The following EPHA6 variants were observed in gnomAD, a reference collection of about 807,000 sequenced individuals.
EPHA6 encodes the protein EPH receptor A6.
Under a neutral mutation model 112.0 loss-of-function variants are expected in EPHA6, and 50 were observed. That is an observed-to-expected ratio of 0.45 (90% CI 0.36 to 0.56). The LOEUF is 0.56. EPHA6 is among the 20% of genes least tolerant of loss of function. EPHA6 has a pLI of 0.00. For synonymous variants in EPHA6, 529 were observed against 490.7 expected (o/e 1.08, Z -1.03); for missense variants, 1,280 against 1,417.4 (o/e 0.90, Z 1.56).
In EPHA6 at chr3:97,675,304, C is replaced by T. The variant is rs374661087; in HGVS notation, c.2784+37222C>T. Reference sequence around the variant, plus strand: ...AACCAACCTGGCCACCATGGTGAAACCCCGTGTCTACTAAAAATACAAAAA... The same window carrying T: ...AACCAACCTGGCCACCATGGTGAAATCCCGTGTCTACTAAAAATACAAAAA... On this transcript the variant is annotated intron_variant, in intron 14 of 17. Coordinates refer to ENST00000389672, the MANE Select transcript of EPHA6 (RefSeq NM_001080448.3). Among the ~76,000 whole-genome samples the T allele has an allele frequency of 5.9e-5, 9 of 152,034 alleles. No individual in the cohort carries two copies. The East Asian group carries it at 1.6e-3, about 26-fold the overall frequency.
At chr3:97,455,619 T>C (rs2090656336) in intron 7 of EPHA6, among the ~76,000 whole-genome samples, 1 of 152,052 alleles carries the variant, frequency 6.6e-6, no homozygotes. Context: ...TGTCTTTGAA[T>C]ATAAGCGGAT....
At chr3:97,336,592 A>C (rs1577016496) in intron 5 of EPHA6, among the ~76,000 whole-genome samples, 1 of 152,294 alleles carries the variant, frequency 6.6e-6, no homozygotes, top group Non-Finnish European at 1.5e-5. Flanking sequence ...TGATTCTAAC[A>C]TTTAGAAAGA....
chr3:97,253,512 T>C (rs1042845500), intron 5 of EPHA6, among the ~76,000 whole-genome samples: 3 of 152,166 alleles, frequency 2.0e-5, no homozygotes, highest in African/African-American at 7.2e-5. Flanking sequence ...AAAGTGTTTT[T>C]CCCCTCGAAA....
At chr3:97,403,382 C>T (rs1008673900) in intron 5 of EPHA6, among the ~76,000 whole-genome samples, 1 of 152,064 alleles carries the variant, frequency 6.6e-6, no homozygotes, top group Admixed American at 6.6e-5. Flanking sequence ...GAGGCTATGT[C>T]TCCAATTCAA....
At chr3:97,558,891 T>G (rs947015817) in intron 11 of EPHA6, among the ~76,000 whole-genome samples, 5 of 152,046 alleles carry the variant, frequency 3.3e-5, no homozygotes, top group Non-Finnish European at 7.4e-5. Context: ...AAATATATTA[T>G]TTATACACTT....
At chr3:97,173,135 C>G (rs2076744776) in intron 3 of EPHA6, among the ~76,000 whole-genome samples, 1 of 151,820 alleles carries the variant, frequency 6.6e-6, no homozygotes, top group Non-Finnish European at 1.5e-5. Context: ...TCTCGGCTTA[C>G]ACTTGGACAA....
At chr3:97,068,695 C>G (rs867228222) in intron 3 of EPHA6, among the ~76,000 whole-genome samples, 1 of 152,020 alleles carries the variant, frequency 6.6e-6, no homozygotes, top group Middle Eastern at 3.4e-3. Flanking sequence ...GAAACCCTAA[C>G]CCCAGTGTGA....
intron 11 of EPHA6, among the ~76,000 whole-genome samples, chr3:97,532,919 A>G (rs1011178953): frequency 6.6e-6 from 1 of 152,070 alleles, no homozygotes; most frequent in African/African-American, 2.4e-5. Flanking sequence ...GTCATATACA[A>G]ATATAAAATG....
chr3:97,631,605 G>A (rs1048296707), intron 13 of EPHA6, among the ~76,000 whole-genome samples: 1 of 151,800 alleles, frequency 6.6e-6, no homozygotes, highest in Non-Finnish European at 1.5e-5. Flanking sequence ...AGCTTAAATT[G>A]TCATTATCCA....
intron 14 of EPHA6, among the ~76,000 whole-genome samples, chr3:97,671,854 A>G (rs901518355): frequency 1.3e-5 from 2 of 152,156 alleles, no homozygotes; most frequent in African/African-American, 4.8e-5. Context: ...AAGCAGAAAT[A>G]GAAGCTATGA....
At chr3:96,852,640 G>C (rs1013353777) in intron 1 of EPHA6, among the ~76,000 whole-genome samples, 1 of 151,128 alleles carries the variant, frequency 6.6e-6, no homozygotes, top group Non-Finnish European at 1.5e-5. Flanking sequence ...TGTAAAAATG[G>C]CTTGCTCCCC....
At chr3:97,395,792 G>A (rs1355653188) in intron 5 of EPHA6, among the ~76,000 whole-genome samples, 3 of 151,468 alleles carry the variant, frequency 2.0e-5, no homozygotes, top group East Asian at 3.9e-4. Flanking sequence ...GCAGTAAAAA[G>A]CATTTTAAAA....
At chr3:97,668,619 G>GTATC (rs1418289279) in intron 14 of EPHA6, among the ~76,000 whole-genome samples, 1 of 151,990 alleles carries the variant, frequency 6.6e-6, no homozygotes, top group East Asian at 1.9e-4. Context: ...TGCTGATTAA[G>GTATC]TATCCACTAA....
At chr3:97,571,251 G>A (rs1577817957) in intron 11 of EPHA6, among the ~76,000 whole-genome samples, 1 of 152,062 alleles carries the variant, frequency 6.6e-6, no homozygotes, top group East Asian at 1.9e-4. Context: ...AGTAGAAGCA[G>A]AGGGACCAAT....
At chr3:97,582,491 A>G (rs1408419837) in intron 11 of EPHA6, among the ~76,000 whole-genome samples, 3 of 152,206 alleles carry the variant, frequency 2.0e-5, no homozygotes, top group African/African-American at 7.2e-5. Flanking sequence ...AGGAAATCCC[A>G]TGTCTTACCT....
intron 5 of EPHA6, among the ~76,000 whole-genome samples, chr3:97,329,261 G>T (rs1360167487): frequency 6.6e-6 from 1 of 151,272 alleles, no homozygotes; most frequent in African/African-American, 2.4e-5. Flanking sequence ...ATTGTGAATA[G>T]TGCCGCAATA....
intron 14 of EPHA6, among the ~76,000 whole-genome samples, chr3:97,691,857 A>G (rs932683552): frequency 6.6e-6 from 1 of 152,228 alleles, no homozygotes; most frequent in African/African-American, 2.4e-5. Flanking sequence ...GGCCCCTTCC[A>G]GTATTCTTGC....
chr3:96,889,596 C>T (rs1031013226), intron 2 of EPHA6, among the ~76,000 whole-genome samples: 1 of 152,116 alleles, frequency 6.6e-6, no homozygotes, highest in African/African-American at 2.4e-5. Context: ...TCAATTATCT[C>T]CCACCAGGTT....
chr3:97,265,579 C>T lies in EPHA6; in HGVS notation c.1606+21292C>T, dbSNP rs997262627. ...ATGCCAGGCAGCAGAAGCAGACACTCCCGAGCCTGCAGGGGCAGGGGGGGC... is the reference window on the plus strand; with the variant it reads ...ATGCCAGGCAGCAGAAGCAGACACTTCCGAGCCTGCAGGGGCAGGGGGGGC... On this transcript the variant is annotated intron_variant, in intron 5 of 17. Transcript: ENST00000389672. Among the ~76,000 whole-genome samples, 5 of 152,318 alleles carry T rather than the reference C, an allele frequency of 3.3e-5. 1 individual carries two copies. The South Asian group carries it at 1.0e-3, about 32-fold the overall frequency.
Sources: allele counts gnomAD v4.1 joint callset (sites outside exome capture counted in the v4.1 genomes callset), GRCh38; gene constraint gnomAD v4.1.1; transcripts MANE v1.5; gene names NCBI Gene and HGNC (gene_info 2026-07-23, HGNC 2026-07-21).